Variants in TMEM132B observed in about 807,000 individuals in gnomAD.
TMEM132B encodes transmembrane protein 132B.
TMEM132B carries 18 observed loss-of-function variants against 90.8 expected under a neutral mutation model. The ratio of observed to expected loss-of-function variants is 0.20; its 90% CI spans 0.14 to 0.29. The LOEUF is 0.29. Ranked by LOEUF, TMEM132B falls within the 10% of genes least tolerant of loss-of-function variation. The probability of loss-of-function intolerance (pLI) is 1.00; values close to 1 mark genes in which losing one functional copy is unlikely to be tolerated. For missense variants in TMEM132B, 1,096 were observed against 1,326.8 expected (o/e 0.83, Z 2.70); for synonymous variants, 504 against 523.3 (o/e 0.96, Z 0.50).
chr12:125,475,824 T>G (rs1200215379), intron 3 of TMEM132B, among the ~76,000 whole-genome samples: 1 of 152,220 alleles, frequency 6.6e-6, no homozygotes, highest in African/African-American at 2.4e-5. Flanking sequence ...TCCTATACCT[T>G]TCTTTGGGAT....
At chr12:125,400,850 C>T (rs1033743508) in intron 2 of TMEM132B, among the ~76,000 whole-genome samples, 6 of 152,176 alleles carry the variant, frequency 3.9e-5, no homozygotes, top group Non-Finnish European at 7.3e-5. Context: ...TTGCATGACT[C>T]CGCTCGACAG....
intron 1 of TMEM132B, among the ~76,000 whole-genome samples, chr12:125,268,846 G>A (rs1228431107): frequency 1.3e-5 from 2 of 152,142 alleles, no homozygotes; most frequent in African/African-American, 4.8e-5. Flanking sequence ...AGAGGGCGTG[G>A]GTTTCCCAGG....
chr12:125,211,862 C>T (rs1009657807), intron 1 of TMEM132B, among the ~76,000 whole-genome samples: 3 of 152,226 alleles, frequency 2.0e-5, no homozygotes, highest in Non-Finnish European at 4.4e-5. Context: ...GCAAGCTCAG[C>T]TCCCTGTGGG....
intron 2 of TMEM132B, among the ~76,000 whole-genome samples, chr12:125,413,598 A>G (rs1423821382): frequency 6.6e-6 from 1 of 152,208 alleles, no homozygotes; most frequent in Non-Finnish European, 1.5e-5. Flanking sequence ...GTCGTATACT[A>G]TGTGGCCTTT....
At chr12:125,426,673 C>G (rs1484232024) in intron 3 of TMEM132B, among the ~76,000 whole-genome samples, 1 of 152,216 alleles carries the variant, frequency 6.6e-6, no homozygotes, top group Non-Finnish European at 1.5e-5. Flanking sequence ...GGGTCTTTCC[C>G]CACTAATCCA....
intron 1 of TMEM132B, among the ~76,000 whole-genome samples, chr12:125,259,808 G>C (rs148044557): frequency 6.6e-6 from 1 of 152,138 alleles, no homozygotes; most frequent in Non-Finnish European, 1.5e-5. Context: ...ATGAGAACGC[G>C]CATACTGGTA....
intron 4 of TMEM132B, among the ~76,000 whole-genome samples, chr12:125,541,079 T>G (rs1883942169): frequency 6.6e-6 from 1 of 152,228 alleles, no homozygotes; most frequent in Non-Finnish European, 1.5e-5. Flanking sequence ...TCAATCTGGT[T>G]TCTGCTCAAA....
chr12:125,234,258 T>C (rs945936052), intron 1 of TMEM132B, among the ~76,000 whole-genome samples: 10 of 152,236 alleles, frequency 6.6e-5, no homozygotes, highest in African/African-American at 2.4e-4. Context: ...TGTTTGCTTT[T>C]CCTGATCACA....
chr12:125,549,813 G>C (rs1884175652), intron 4 of TMEM132B, among the ~76,000 whole-genome samples: 1 of 152,170 alleles, frequency 6.6e-6, no homozygotes, highest in Non-Finnish European at 1.5e-5. Context: ...TGAACACCCA[G>C]TAGACAGAAG....
intron 3 of TMEM132B, among the ~76,000 whole-genome samples, chr12:125,439,484 T>G (rs1336364158): frequency 6.6e-6 from 1 of 152,200 alleles, no homozygotes; most frequent in African/African-American, 2.4e-5. Context: ...ACTGTTGGTA[T>G]GTAGGAATTC....
chr12:125,404,803 C>G (rs1403430508), intron 2 of TMEM132B, among the ~76,000 whole-genome samples: 2 of 152,276 alleles, frequency 1.3e-5, no homozygotes, highest in East Asian at 3.9e-4. Context: ...CTGGGTGTAT[C>G]CAGCTCTGCT....
intron 1 of TMEM132B, among the ~76,000 whole-genome samples, chr12:125,242,610 C>T (rs7965928): frequency 0.29 from 43,732 of 152,108 alleles, 6,731 homozygotes; most frequent in Middle Eastern, 0.37. Context: ...TTTCCCTCTC[C>T]ACATTCAGCT....
At chr12:125,190,254 C>A (rs188342472) in intron 1 of TMEM132B, among the ~76,000 whole-genome samples, 2 of 152,306 alleles carry the variant, frequency 1.3e-5, no homozygotes, top group East Asian at 3.9e-4. Flanking sequence ...CCATACAGTC[C>A]TTTAGGGAAC....
At chr12:125,243,032 T>TATATATATATACATACACAC (rs1215676534) in intron 1 of TMEM132B, among the ~76,000 whole-genome samples, 2 of 135,030 alleles carry the variant, frequency 1.5e-5, no homozygotes, top group African/African-American at 5.5e-5. Flanking sequence ...TATATATATA[T>TATATATATATACATACACAC]ACACACACAC....
intron 5 of TMEM132B, among the ~76,000 whole-genome samples, chr12:125,626,598 C>T (rs138645518): frequency 2.8e-3 from 425 of 152,170 alleles, no homozygotes; most frequent in African/African-American, 9.8e-3. Context: ...TTATTTATTT[C>T]GGAATCTTCA....
chr12:125,554,634 G>A (rs2136771867), intron 4 of TMEM132B, among the ~76,000 whole-genome samples: 1 of 151,988 alleles, frequency 6.6e-6, no homozygotes, highest in East Asian at 1.9e-4. Flanking sequence ...TCCCTTTAAT[G>A]TGAGGTTTCT....
At chr12:125,336,970 A>G (rs1044343485) in intron 1 of TMEM132B, among the ~76,000 whole-genome samples, 7 of 152,244 alleles carry the variant, frequency 4.6e-5, no homozygotes, top group Admixed American at 4.6e-4. Context: ...AAGGTCATCA[A>G]AATTTCCTAC....
intron 1 of TMEM132B, among the ~76,000 whole-genome samples, chr12:125,242,114 C>T (rs570432118): frequency 6.6e-6 from 1 of 152,114 alleles, no homozygotes; most frequent in Non-Finnish European, 1.5e-5. Flanking sequence ...CTTTTTAATC[C>T]TCACATCATC....
intron 1 of TMEM132B, among the ~76,000 whole-genome samples, chr12:125,187,253 GCCC>G (rs1957765704): frequency 6.6e-6 from 1 of 152,288 alleles, no homozygotes; most frequent in Admixed American, 6.5e-5. Context: ...CGTCGACGCA[GCCC>G]TTCTCCAGTG....
Sources: allele counts gnomAD v4.1 joint callset (sites outside exome capture counted in the v4.1 genomes callset), GRCh38; gene constraint gnomAD v4.1.1; transcripts MANE v1.5; gene names NCBI Gene and HGNC (gene_info 2026-07-23, HGNC 2026-07-21).